The following ANK3 variants were observed in gnomAD, a reference collection of about 807,000 sequenced individuals.
ANK3 encodes the protein ankyrin 3, also known as ankyrin-3.
Under a neutral mutation model 370.9 loss-of-function variants are expected in ANK3, and 57 were observed. The observed-to-expected ratio is 0.15, with a 90% CI of 0.12 to 0.19. The LOEUF (loss-of-function observed/expected upper bound fraction) is 0.19. ANK3 is among the 10% of genes least tolerant of loss of function. The pLI is 1.00. For missense variants in ANK3, 4,439 were observed against 5,302.1 expected (o/e 0.84, Z 5.06); for synonymous variants, 1,929 against 1,946.3 (o/e 0.99, Z 0.23).
At chr10:60,159,546 A>G (rs1227031563) in intron 23 of ANK3, among the ~76,000 whole-genome samples, 3 of 152,164 alleles carry the variant, frequency 2.0e-5, no homozygotes, top group African/African-American at 7.2e-5. Context: ...ACTGGACTTA[A>G]TCTACCATAG....
chr10:60,205,976 T>C, intron 10 of ANK3, 86 bp from the exon 11 acceptor site: 2 of 844,396 alleles, frequency 2.4e-6, no homozygotes, highest in Non-Finnish European at 4.0e-6. Flanking sequence ...TTTGCTAAAA[T>C]GATGTGTGGT....
At chr10:60,561,695 T>C (rs920442566) in intron 2 of ANK3, among the ~76,000 whole-genome samples, 2 of 152,204 alleles carry the variant, frequency 1.3e-5, no homozygotes, top group African/African-American at 4.8e-5. Flanking sequence ...CAGTCCATGA[T>C]GAGGTCAAAT....
chr10:60,478,827 C>T (rs2075137552), intron 2 of ANK3, among the ~76,000 whole-genome samples: 2 of 151,990 alleles, frequency 1.3e-5, no homozygotes, highest in Non-Finnish European at 2.9e-5. Flanking sequence ...ACTTAATTTC[C>T]TCACATAAAA....
chr10:60,042,080 T>C (rs2076197524), intron 43 of ANK3, among the ~76,000 whole-genome samples: 1 of 152,212 alleles, frequency 6.6e-6, no homozygotes, highest in African/African-American at 2.4e-5. Context: ...ACGTGATCTG[T>C]AAAGAAAAGT....
intron 8 of ANK3, among the ~76,000 whole-genome samples, chr10:60,233,524 T>C (rs1350357511): frequency 6.6e-6 from 1 of 152,186 alleles, no homozygotes; most frequent in Non-Finnish European, 1.5e-5. Flanking sequence ...CTTGAACTCC[T>C]GGGCTCAAGC....
At chr10:60,181,061 C>A (rs2096164368) in intron 18 of ANK3, among the ~76,000 whole-genome samples, 1 of 152,108 alleles carries the variant, frequency 6.6e-6, no homozygotes, top group Admixed American at 6.6e-5. Flanking sequence ...CCCCGAAGGA[C>A]ACATTTGTTG....
chr10:60,487,298 A>G (rs1223243648), intron 2 of ANK3, among the ~76,000 whole-genome samples: 1 of 152,216 alleles, frequency 6.6e-6, no homozygotes, highest in Non-Finnish European at 1.5e-5. Flanking sequence ...GAAATAAACT[A>G]CGCAAAGAAG....
At chr10:60,241,077 T>C (rs2097449576) in intron 7 of ANK3, among the ~76,000 whole-genome samples, 2 of 152,230 alleles carry the variant, frequency 1.3e-5, no homozygotes, top group African/African-American at 4.8e-5. Flanking sequence ...TTGCTTTCTA[T>C]ACTCTGAATG....
intron 15 of ANK3, 78 bp downstream of exon 15, chr10:60,196,449 G>A: frequency 9.6e-7 from 1 of 1,046,684 alleles, no homozygotes; most frequent in Non-Finnish European, 1.5e-6. Flanking sequence ...AATTTGAGTG[G>A]CTATTAGTGA....
chr10:60,731,846 C>T (rs956749273), intron 1 of ANK3, among the ~76,000 whole-genome samples: 1 of 152,272 alleles, frequency 6.6e-6, no homozygotes, highest in Non-Finnish European at 1.5e-5. Flanking sequence ...TATGCTTTTA[C>T]GAATAAGAGA....
chr10:60,199,647 TG>T (rs1243964961), intron 13 of ANK3, among the ~76,000 whole-genome samples: 3 of 152,016 alleles, frequency 2.0e-5, no homozygotes, highest in African/African-American at 7.2e-5. Context: ...GGGTTTCTCC[TG>T]CAGGTGAAAT....
chr10:60,246,282 GAA>G lies in ANK3; in HGVS notation c.799-11498_799-11497del, dbSNP rs766248112. 3.8e-5 allele frequency among the ~76,000 whole-genome samples: 4 copies of G among 106,144 alleles called. 1 individual carries two copies. The East Asian group carries it at 1.1e-3, about 29-fold the overall frequency. 69.6% of individuals were successfully genotyped at this position (106,144 alleles called of 152,430 possible). The stretch of plus-strand genomic sequence containing the variant: ...AAAAAAAAAAAAAAAAAAAAAAAAA[GAA>G]AAAAGAAAAAAAGATGATCACCATT... On this transcript the variant is annotated intron_variant, in intron 7 of 43. Coordinates refer to ENST00000280772, the MANE Select transcript of ANK3 (RefSeq NM_020987.5).
intron 36 of ANK3, 33 bp from the exon 37 acceptor site, chr10:60,076,481 C>A (rs1412142551): frequency 3.3e-6 from 5 of 1,519,976 alleles, no homozygotes; most frequent in Admixed American, 2.3e-5. Context: ...AAATCAAACA[C>A]AAAAATCAAC....
At chr10:60,556,159 T>C (rs1459219651) in intron 2 of ANK3, among the ~76,000 whole-genome samples, 1 of 152,158 alleles carries the variant, frequency 6.6e-6, no homozygotes, top group African/African-American at 2.4e-5. Context: ...AAAATGATAA[T>C]TACATACTAT....
intron 1 of ANK3, among the ~76,000 whole-genome samples, chr10:60,335,003 T>C (rs972534119): frequency 6.6e-6 from 1 of 152,126 alleles, no homozygotes; most frequent in Non-Finnish European, 1.5e-5. Flanking sequence ...ATTCCCACTA[T>C]TAGGCTAGTT....
chr10:60,705,036 C>T (rs150554434), intron 1 of ANK3, among the ~76,000 whole-genome samples: 2 of 152,122 alleles, frequency 1.3e-5, no homozygotes, highest in East Asian at 3.9e-4. Flanking sequence ...CCTAGAAAAG[C>T]TAAAAATAAA....
chr10:60,214,299 T>G (rs2096901226), intron 8 of ANK3, among the ~76,000 whole-genome samples: 1 of 152,188 alleles, frequency 6.6e-6, no homozygotes, highest in Non-Finnish European at 1.5e-5. Context: ...ACCTTGTTCA[T>G]GTAGACTGTT....
intron 24 of ANK3, among the ~76,000 whole-genome samples, chr10:60,135,550 T>C (rs2094301451): frequency 6.6e-6 from 1 of 152,234 alleles, no homozygotes; most frequent in Admixed American, 6.5e-5. Flanking sequence ...CATGAGAAGC[T>C]AGCACCTTTC....
At chr10:60,503,352 A>T (rs1438664524) in intron 2 of ANK3, among the ~76,000 whole-genome samples, 1 of 152,194 alleles carries the variant, frequency 6.6e-6, no homozygotes, top group East Asian at 1.9e-4. Flanking sequence ...GGTGACATTT[A>T]TTGATCATTT....
Sources: gnomAD v4.1 joint callset for allele counts (sites outside exome capture counted in the v4.1 genomes callset) on GRCh38, gnomAD v4.1.1 for gene constraint, MANE v1.5 for transcripts, NCBI Gene and HGNC (gene_info 2026-07-23, HGNC 2026-07-21) for gene names.